GPHN: variants seen among roughly 807,000 people sequenced by gnomAD.
The protein encoded by GPHN is gephyrin.
A neutral mutation model predicts 95.5 loss-of-function variants in GPHN; 17 were observed. The observed-to-expected ratio is 0.18, with a 90% CI of 0.12 to 0.27. GPHN has a LOEUF of 0.27. Among genes scored for constraint, GPHN ranks in the 10% least tolerant of loss-of-function variants. GPHN has a pLI of 1.00. For missense variants in GPHN, 660 were observed against 978.1 expected, an observed-to-expected ratio of 0.67 and a Z score of 4.34; for synonymous variants, 320 against 322.5, an observed-to-expected ratio of 0.99 and a Z score of 0.08.
chr14:67,658,521 C>T, the GPHN span, among the ~76,000 whole-genome samples: 1 of 152,110 alleles, frequency 6.6e-6, no homozygotes, highest in Non-Finnish European at 1.5e-5. Flanking sequence ...GGAGTGAACC[C>T]GGGAGGTGGA....
chr14:67,332,919 C>T, the GPHN span: 1 of 1,613,614 alleles, frequency 6.2e-7, no homozygotes, highest in Non-Finnish European at 8.5e-7. Context: ...AAACTTGATA[C>T]TGAACCTCAG....
rs535157252 is a variant in GPHN, at chr14:66,852,663, T to C, written c.295-27276T>C. 8.1e-4 allele frequency among the ~76,000 whole-genome samples: 123 copies of C among 152,212 alleles called. 1 individual carries two copies. The highest frequency in any genetic ancestry group is 2.5e-4 in the Non-Finnish European group (17 of 68,042). ...GTGATAGCTTCATTTCAAAGATGTATCGTTTTCTATCTGAGACAGTAGTCA... is the reference window on the plus strand; with the variant it reads ...GTGATAGCTTCATTTCAAAGATGTACCGTTTTCTATCTGAGACAGTAGTCA... On this transcript the variant is annotated intron_variant, in intron 4 of 22. Transcript: ENST00000478722.
At chr14:66,660,214 G>A (rs1045030910) in intron 1 of GPHN, among the ~76,000 whole-genome samples, 1 of 151,842 alleles carries the variant, frequency 6.6e-6, no homozygotes, top group Non-Finnish European at 1.5e-5. Context: ...AATATTTCTT[G>A]TACGTACATA....
At chr14:67,226,772 T>G in the GPHN span, among the ~76,000 whole-genome samples, 1 of 152,176 alleles carries the variant, frequency 6.6e-6, no homozygotes, top group African/African-American at 2.4e-5. Flanking sequence ...ACTCCATAAT[T>G]CCCTGGCCTC....
At chr14:67,168,346 A>T (rs2082402102) in intron 20 of GPHN, among the ~76,000 whole-genome samples, 1 of 152,222 alleles carries the variant, frequency 6.6e-6, no homozygotes, top group Admixed American at 6.5e-5. Flanking sequence ...CCTATCTCCA[A>T]ATATAGTCAA....
chr14:67,170,747 T>C (rs753241215), intron 21 of GPHN, among the ~76,000 whole-genome samples: 5 of 152,246 alleles, frequency 3.3e-5, no homozygotes, highest in African/African-American at 7.2e-5. Context: ...GGGTCATCAG[T>C]ATGCTTGGCT....
At chr14:67,034,006 T>C (rs1463644514) in intron 10 of GPHN, among the ~76,000 whole-genome samples, 1 of 152,082 alleles carries the variant, frequency 6.6e-6, no homozygotes, top group Non-Finnish European at 1.5e-5. Context: ...AGAAAGACTT[T>C]CCCGGGCAAA....
chr14:67,316,801 T>G, the GPHN span: 1 of 1,577,366 alleles, frequency 6.3e-7, no homozygotes, highest in Non-Finnish European at 8.6e-7. Flanking sequence ...ATCTTAAATA[T>G]TTTACCCTTC....
At chr14:66,647,140 A>C (rs1217933745) in intron 1 of GPHN, among the ~76,000 whole-genome samples, 1 of 150,740 alleles carries the variant, frequency 6.6e-6, no homozygotes, top group African/African-American at 2.4e-5. Context: ...TCCTGGTCTC[A>C]GGTCATCTTC....
At chr14:67,692,802 G>T in the GPHN span, 1 of 881,898 alleles carries the variant, frequency 1.1e-6, no homozygotes, top group East Asian at 2.4e-5. Flanking sequence ...ACTAGTTTCA[G>T]ATCAGCAAAT....
the GPHN span, chr14:67,662,943 C>T: frequency 7.8e-7 from 1 of 1,278,086 alleles, no homozygotes; most frequent in Non-Finnish European, 9.9e-7. Context: ...AATAGTGACT[C>T]TCTGAAACCC....
At chr14:67,342,032 C>T in the GPHN span, among the ~76,000 whole-genome samples, 4 of 151,404 alleles carry the variant, frequency 2.6e-5, no homozygotes, top group Non-Finnish European at 2.9e-5. Flanking sequence ...CAAGTACCCA[C>T]GGACACAAAC....
At chr14:67,473,356 C>T in the GPHN span, 8 of 1,575,200 alleles carry the variant, frequency 5.1e-6, no homozygotes, top group Non-Finnish European at 6.9e-6. This position sits in a 1 kb window ranked among gnomAD's most constrained non-coding sequence, Gnocchi z 6.5. Context: ...GGCAACCTCA[C>T]CAGCTTGGTC....
chr14:66,776,881 G>T (rs1026563795), intron 3 of GPHN, among the ~76,000 whole-genome samples: 2 of 1,742 alleles, frequency 1.1e-3, no homozygotes. Context: ...TTAAATATCA[G>T]TCTTTTTTTT....
intron 10 of GPHN, among the ~76,000 whole-genome samples, chr14:67,027,611 G>A (rs1046276108): frequency 1.3e-5 from 2 of 152,212 alleles, no homozygotes; most frequent in Non-Finnish European, 2.9e-5. Context: ...TTACAGGCAT[G>A]AGCCACGGTG....
At chr14:67,446,874 GT>G in the GPHN span, among the ~76,000 whole-genome samples, 18 of 147,938 alleles carry the variant, frequency 1.2e-4, no homozygotes, top group South Asian at 4.3e-4. Context: ...GTAAAAGAAA[GT>G]TTTTTTTTTT....
At chr14:66,702,159 C>T (rs2068614053) in intron 2 of GPHN, among the ~76,000 whole-genome samples, 2 of 152,234 alleles carry the variant, frequency 1.3e-5, no homozygotes, top group African/African-American at 4.8e-5. Flanking sequence ...GGCTTGAACC[C>T]CTAGGGGAAG....
the GPHN span, among the ~76,000 whole-genome samples, chr14:67,603,251 G>A: frequency 6.6e-6 from 1 of 152,094 alleles, no homozygotes; most frequent in Non-Finnish European, 1.5e-5. Context: ...TGCATATTTT[G>A]TAGAAATGGC....
chr14:67,095,512 A>C (rs1309531046), intron 12 of GPHN, among the ~76,000 whole-genome samples: 1 of 152,196 alleles, frequency 6.6e-6, no homozygotes, highest in Non-Finnish European at 1.5e-5. Context: ...CACAATAGCA[A>C]AGACTTGGAA....
Sources: gnomAD v4.1 joint callset for allele counts (sites outside exome capture counted in the v4.1 genomes callset) on GRCh38, gnomAD v4.1.1 for gene constraint, Gnocchi (gnomAD v3.1) non-coding constraint, MANE v1.5 for transcripts, NCBI Gene and HGNC (gene_info 2026-07-23, HGNC 2026-07-21) for gene names.